Variants in DHTKD1 observed in about 807,000 individuals in gnomAD.
DHTKD1 encodes dehydrogenase E1 and transketolase domain containing 1.
In DHTKD1, 78 loss-of-function variants were observed where a neutral mutation model predicts 101.8. That is an observed-to-expected ratio of 0.77 (90% CI 0.64 to 0.93). The LOEUF is 0.93. Ranked by LOEUF, DHTKD1 falls within the 40% of genes least tolerant of loss-of-function variation. DHTKD1 has a pLI of 0.00. For synonymous variants in DHTKD1, 462 were observed against 450.3 expected (o/e 1.03, Z -0.33); for missense variants, 1,223 against 1,161.7 (o/e 1.05, Z -0.77).
chr10:12,117,650 G>T, intron 13 of DHTKD1, 23 bp from the exon 14 acceptor site: 1 of 1,453,480 alleles, frequency 6.9e-7, no homozygotes, highest in Non-Finnish European at 9.6e-7. Context: ...CTTGCTGGAT[G>T]TGTGGCCTCT....
chr10:12,091,465 C>T, intron 5 of DHTKD1, 48 bp from the exon 6 acceptor site: 4 of 1,177,632 alleles, frequency 3.4e-6, no homozygotes, highest in Middle Eastern at 3.3e-4. Context: ...TTTCTTAATC[C>T]CTTATGTTTC....
At chr10:12,076,500 T>C (rs1226999391) in intron 1 of DHTKD1, among the ~76,000 whole-genome samples, 1 of 151,808 alleles carries the variant, frequency 6.6e-6, no homozygotes, top group African/African-American at 2.4e-5. Context: ...TTATTGTACA[T>C]GTTCACTGTG....
At chr10:12,119,620 A>C (rs1425620176) in intron 15 of DHTKD1, among the ~76,000 whole-genome samples, 1 of 150,216 alleles carries the variant, frequency 6.7e-6, no homozygotes, top group Non-Finnish European at 1.5e-5. Context: ...CGTCTCAAAA[A>C]AAAAAAAAAA....
intron 11 of DHTKD1, among the ~76,000 whole-genome samples, chr10:12,106,864 T>A (rs1295272075): frequency 6.6e-6 from 1 of 152,214 alleles, no homozygotes; most frequent in Non-Finnish European, 1.5e-5. Flanking sequence ...GGAAGAAAAG[T>A]GCCTGAGGGC....
At chr10:12,084,211 G>A (rs907163817) in intron 2 of DHTKD1, among the ~76,000 whole-genome samples, 15 of 152,002 alleles carry the variant, frequency 9.9e-5, no homozygotes, top group African/African-American at 3.4e-4. Flanking sequence ...CGTGAGCCAC[G>A]GCACCCGGCC....
chr10:12,094,135 G>A lies in DHTKD1; in HGVS notation c.1222G>A (p.Ala408Thr), dbSNP rs1423722161. 2 of 1,614,134 alleles carry A rather than the reference G, an allele frequency of 1.2e-6. No homozygotes were observed. Among genetic ancestry groups the A allele is most frequent in the East Asian group, 2.2e-5 (1 of 44,882 alleles). Residue 408 changes from alanine to threonine, a missense_variant, in exon 7 of 17, where the codon GCC becomes ACC. Physicochemically the swap from Ala to Thr is moderately conservative, Grantham distance 58. Transcript: ENST00000263035. The part of the protein sequence containing the change: ...NGDSPEEVVR[A>T]TRLAFEYQRQ... ...AGACAGCCCAGAGGAAGTGGTCCGTGCCACACGACTGGCTTTTGAATACCA... is the reference window on the plus strand; with the variant it reads ...AGACAGCCCAGAGGAAGTGGTCCGTACCACACGACTGGCTTTTGAATACCA...
At position 12,091,819 on chromosome 10, in the gene DHTKD1, T is replaced by A. The variant is rs1395584641; in HGVS notation, c.1159+135T>A. 6 of 682,082 alleles carry A rather than the reference T, an allele frequency of 8.8e-6. No individual in the cohort carries two copies. In the African/African-American group the frequency reaches 1.1e-4, roughly 13 times the overall value. The allele number at this position is 682,082 out of a possible 1,614,324, so 42.3% of individuals were successfully genotyped here. ...TAATTAATTAATTAATTAATTAATT[T>A]TTTGAGATGGAGTCTTGCTCTGTCA... On this transcript the variant is annotated intron_variant, in intron 6 of 16. Transcript: ENST00000263035.
At chr10:12,115,590 C>A (rs937488319) in intron 13 of DHTKD1, among the ~76,000 whole-genome samples, 1 of 152,112 alleles carries the variant, frequency 6.6e-6, no homozygotes, top group Non-Finnish European at 1.5e-5. Context: ...AGTAGTCTTA[C>A]CAATAGCAGC....
rs756190281 is a variant in DHTKD1 at position 12,097,727 on chromosome 10, G to A, written c.1402G>A (p.Ala468Thr). 6.2e-7 allele frequency: 1 copy of A among 1,614,136 alleles called. No individual in the cohort carries two copies. The highest frequency in any genetic ancestry group is 2.2e-5 in the East Asian group (1 of 44,892). The change falls in exon 8 of 17, where the codon GCT (alanine) becomes ACT (threonine). Residue 468 changes from alanine (A) to threonine (T), a missense_variant. Physicochemically the swap from Ala to Thr is moderately conservative, Grantham distance 58. Transcript: ENST00000263035. Reference protein sequence around the residue: ...IPDTYAEHLIAGGLMTQEEVS... With the variant: ...IPDTYAEHLITGGLMTQEEVS... ...AGACACATATGCAGAGCACCTCATT[G>A]CTGGCGGACTCATGACGCAGGAGGA...
At position 12,120,772 on chromosome 10, in the gene DHTKD1, C is replaced by A; in HGVS notation, c.2659-15C>A. ...GTCAAAATGTCATTTTATTTCTTCT[C>A]TGCTGCACTTATAGCTCCGTCTGGT... On this transcript the variant is annotated splice_polypyrimidine_tract_variant and intron_variant, in intron 16 of 16. Coordinates refer to ENST00000263035, the MANE Select transcript of DHTKD1 (RefSeq NM_018706.7). The A allele has an allele frequency of 6.2e-7, 1 of 1,609,742 alleles. No individual in the cohort carries two copies. Among genetic ancestry groups the A allele is most frequent in the Non-Finnish European group, 8.5e-7 (1 of 1,176,046 alleles).
chr10:12,101,231 T>G (rs1306186137), intron 10 of DHTKD1, 50 bp downstream of exon 10: 2 of 1,571,182 alleles, frequency 1.3e-6, no homozygotes, highest in Non-Finnish European at 1.7e-6. Context: ...ACGATTACAC[T>G]TCCAGGATTC....
intron 12 of DHTKD1, among the ~76,000 whole-genome samples, chr10:12,109,083 C>G (rs943048105): frequency 2.0e-5 from 3 of 152,032 alleles, no homozygotes; most frequent in African/African-American, 7.2e-5. Context: ...ACCCAGGAGG[C>G]AGAGGTTGCA....
At chr10:12,118,696 T>G in intron 14 of DHTKD1, 53 bp from the exon 15 acceptor site, 1 of 1,419,632 alleles carries the variant, frequency 7.0e-7, no homozygotes, top group Non-Finnish European at 9.3e-7. Context: ...CTGACGTAAT[T>G]CTTACTTTAA....
chr10:12,070,379 G>T (rs1234821012), intron 1 of DHTKD1, among the ~76,000 whole-genome samples: 9 of 152,110 alleles, frequency 5.9e-5, no homozygotes. Context: ...GATCCCCTTC[G>T]GCATCTGGGC....
At chr10:12,120,356 CAG>C (rs1833506088) in intron 16 of DHTKD1, 89 bp downstream of exon 16, 7 of 1,114,542 alleles carry the variant, frequency 6.3e-6, no homozygotes, top group Admixed American at 6.3e-5. Flanking sequence ...TTTTTTGAGA[CAG>C]AGTCTCACTC....
intron 1 of DHTKD1, 30 bp from the exon 2 acceptor site, chr10:12,081,442 T>C (rs1832816688): frequency 1.2e-6 from 2 of 1,606,172 alleles, no homozygotes; most frequent in Middle Eastern, 1.7e-4. Flanking sequence ...TCCTAAACTG[T>C]TTGCATTTTT....
chr10:12,079,040 A>G (rs1482326651), intron 1 of DHTKD1, among the ~76,000 whole-genome samples: 1 of 152,134 alleles, frequency 6.6e-6, no homozygotes, highest in Non-Finnish European at 1.5e-5. Context: ...TCAGAGAGAA[A>G]GTAGACTGAG....
At position 12,107,675 on chromosome 10, in the gene DHTKD1, C is replaced by G. The variant is rs962553074; in HGVS notation, c.2048-234C>G. On this transcript the variant is annotated intron_variant, in intron 11 of 16. Coordinates refer to ENST00000263035, the MANE Select transcript of DHTKD1 (RefSeq NM_018706.7). The surrounding 1 kb of genome is among the most constrained non-coding windows in gnomAD (Gnocchi z 4.1). ...TCAAGTGATCTATCCGCCTCAGCCT[C>G]CCAAAGTGCTGGGATTACAGGTGTG... is the stretch of plus-strand genomic sequence containing the variant. Among the ~76,000 whole-genome samples, 1 of 152,130 alleles carries G rather than the reference C, an allele frequency of 6.6e-6. No individual in the cohort carries two copies. Among genetic ancestry groups the G allele is most frequent in the Non-Finnish European group, 1.5e-5 (1 of 68,038 alleles).
In DHTKD1 at chr10:12,100,467, G is replaced by C. The variant is rs186636970; in HGVS notation, c.1756+205G>C. Among the ~76,000 whole-genome samples, 358 of 151,210 alleles carry C rather than the reference G, an allele frequency of 2.4e-3. 2 individuals are homozygous for C. The highest frequency in any genetic ancestry group is 0.014 in the Middle Eastern group (4 of 292). ...TTTAGTAGAGACGGGGTTTCACTATGTTGGTCAGGCTGGTCTCGAACTCTT... is the reference window on the plus strand; with the variant it reads ...TTTAGTAGAGACGGGGTTTCACTATCTTGGTCAGGCTGGTCTCGAACTCTT... On this transcript the variant is annotated intron_variant, in intron 9 of 16. Transcript: ENST00000263035.
Sources: gnomAD v4.1 joint callset for allele counts (sites outside exome capture counted in the v4.1 genomes callset) on GRCh38, gnomAD v4.1.1 for gene constraint, Gnocchi (gnomAD v3.1) non-coding constraint, MANE v1.5 for transcripts, NCBI Gene and HGNC (gene_info 2026-07-23, HGNC 2026-07-21) for gene names.